MOB4: variants seen among roughly 807,000 people sequenced by gnomAD.
MOB4 encodes the protein MOB family member 4, phocein.
MOB4 carries 4 observed loss-of-function variants against 32.2 expected under a neutral mutation model. The ratio of observed to expected loss-of-function variants is 0.12; its 90% CI spans 0.06 to 0.28. The LOEUF is 0.28. Among genes scored for constraint, MOB4 ranks in the 10% least tolerant of loss-of-function variants. The pLI is 1.00. For missense variants in MOB4, 158 were observed against 271.2 expected (o/e 0.58, Z 2.93); for synonymous variants, 88 against 88.1 (o/e 1.00, Z 0.01).
chr2:197,522,391 C>T (rs897606338), intron 1 of MOB4, among the ~76,000 whole-genome samples: 9 of 128,332 alleles, frequency 7.0e-5, no homozygotes, highest in Non-Finnish European at 1.2e-4. Flanking sequence ...AGTGCAGTGG[C>T]GTGATCTTGA....
At position 197,516,140 on chromosome 2, in the gene MOB4, G is replaced by A; in HGVS notation, c.54G>A (p.Lys18=). The change falls in exon 1 of 8, where the codon AAG becomes AAA. Residue 18 remains lysine (K), a synonymous_variant. Transcript: ENST00000323303. ...TGAGGCGGAACAGGCCGGGCACCAA[G>A]GCGCAGGTACCATGTCTGCACTTTT... ...AVLRRNRPGT[K]AQDFYNWPDE... 6.2e-7 allele frequency: 1 copy of A among 1,603,294 alleles called. No homozygotes were observed. Among genetic ancestry groups the A allele is most frequent in the Non-Finnish European group, 8.5e-7 (1 of 1,176,096 alleles).
intron 1 of MOB4, chr2:197,516,876 G>C (rs2086424821): frequency 2.7e-6 from 1 of 364,354 alleles, no homozygotes; most frequent in Non-Finnish European, 5.5e-6. Flanking sequence ...TTGTTTCTTA[G>C]GGTTTGGAAA....
intron 1 of MOB4, among the ~76,000 whole-genome samples, chr2:197,522,848 C>T (rs1384799861): frequency 6.6e-6 from 1 of 151,808 alleles, no homozygotes; most frequent in Non-Finnish European, 1.5e-5. Flanking sequence ...AACCCTGTCT[C>T]TACAAAAAAT....
intron 2 of MOB4, among the ~76,000 whole-genome samples, chr2:197,524,925 C>G (rs1559315300): frequency 6.6e-6 from 1 of 152,122 alleles, no homozygotes; most frequent in Non-Finnish European, 1.5e-5. Context: ...CGCACACTGC[C>G]ACATCTGGCT....
intron 2 of MOB4, among the ~76,000 whole-genome samples, chr2:197,534,989 T>G (rs1026471775): frequency 3.3e-5 from 5 of 152,146 alleles, no homozygotes; most frequent in African/African-American, 2.4e-5. Context: ...CTCTAGACAC[T>G]TCATATAAAC....
intron 1 of MOB4, among the ~76,000 whole-genome samples, chr2:197,522,970 G>T (rs1430806663): frequency 6.6e-6 from 1 of 151,880 alleles, no homozygotes; most frequent in Non-Finnish European, 1.5e-5. Context: ...AGCTGAGATC[G>T]CACCACTGCA....
At chr2:197,541,427 A>T (rs971268911) in intron 5 of MOB4, among the ~76,000 whole-genome samples, 1 of 152,230 alleles carries the variant, frequency 6.6e-6, no homozygotes, top group Admixed American at 6.5e-5. Context: ...TGAAGTGGTC[A>T]TTATATTGAT....
intron 1 of MOB4, among the ~76,000 whole-genome samples, chr2:197,521,283 G>T (rs1413578673): frequency 6.6e-6 from 1 of 152,164 alleles, no homozygotes; most frequent in Non-Finnish European, 1.5e-5. Flanking sequence ...TGCAAAACCG[G>T]CAAGTTTTTA....
Position 197,548,432 on chromosome 2 carries a change from A to G in MOB4, c.434+17A>G, listed in dbSNP as rs2087035425. The G allele has an allele frequency of 6.6e-7, 1 of 1,521,426 alleles. No individual in the cohort carries two copies. The highest frequency in any genetic ancestry group is 1.8e-5 in the Admixed American group (1 of 54,804). The allele number at this position is 1,521,426 out of a possible 1,614,324, so 94.2% of individuals were successfully genotyped here. A position where few individuals can be genotyped will look rare whatever the true frequency, so the allele number is the denominator to read the frequency against. ...TCCCAGCAGGTAATCGAAACTTTTA[A>G]ACATAGTGTTAAACATTTTAGAGTT... is the stretch of plus-strand genomic sequence containing the variant. On this transcript the variant is annotated intron_variant, in intron 6 of 7. Transcript: ENST00000323303.
intron 1 of MOB4, among the ~76,000 whole-genome samples, chr2:197,520,713 A>G (rs1169598498): frequency 6.6e-6 from 1 of 152,020 alleles, no homozygotes; most frequent in African/African-American, 2.4e-5. Flanking sequence ...ATATCTGTTA[A>G]CTGTATTATC....
In MOB4 at chr2:197,550,372, T is replaced by C; in HGVS notation, c.532T>C (p.Phe178Leu). 6.2e-7 allele frequency: 1 copy of C among 1,613,706 alleles called. No individual in the cohort carries two copies. The highest frequency in any genetic ancestry group is 8.5e-7 in the Non-Finnish European group (1 of 1,179,782). ...SHAYFHHRQI[F>L]DEYENETFLC... is the part of the protein sequence containing the mutation. ...TGCTTATTTTCATCATCGGCAGATA[T>C]TTGATGAATATGAAGTAAGTATATT... is the stretch of plus-strand genomic sequence containing the variant. The change falls in exon 7 of 8, where the codon TTT (phenylalanine) becomes CTT (leucine). Residue 178 changes from phenylalanine (F) to leucine (L), a missense_variant. Coordinates refer to ENST00000323303, the MANE Select transcript of MOB4 (RefSeq NM_015387.5).
intron 5 of MOB4, among the ~76,000 whole-genome samples, chr2:197,545,075 T>C (rs990099749): frequency 3.9e-5 from 6 of 152,284 alleles, no homozygotes; most frequent in South Asian, 4.1e-4. Flanking sequence ...ATGAAAACAT[T>C]TATCTGCACA....
At chr2:197,519,532 C>G (rs571927804) in intron 1 of MOB4, among the ~76,000 whole-genome samples, 10 of 152,272 alleles carry the variant, frequency 6.6e-5, no homozygotes, top group Admixed American at 3.3e-4. Flanking sequence ...AATGCGTGTT[C>G]TGTAAATAGT....
chr2:197,540,562 C>A, intron 5 of MOB4, 125 bp downstream of exon 5: 1 of 961,992 alleles, frequency 1.0e-6, no homozygotes, highest in Non-Finnish European at 1.4e-6. Flanking sequence ...TTTTGAGTTG[C>A]TTGTTGTGAA....
intron 1 of MOB4, chr2:197,516,783 C>T (rs1290589187): frequency 2.1e-6 from 1 of 470,100 alleles, no homozygotes; most frequent in Non-Finnish European, 4.4e-6. Context: ...ATGCGTGAAG[C>T]ATAGTCAGAG....
intron 3 of MOB4, among the ~76,000 whole-genome samples, chr2:197,538,862 G>C (rs1290751180): frequency 6.6e-6 from 1 of 152,194 alleles, no homozygotes; most frequent in East Asian, 1.9e-4. Context: ...GGGTGATACG[G>C]TGATTTAGAA....
intron 2 of MOB4, among the ~76,000 whole-genome samples, chr2:197,527,876 T>A (rs920571052): frequency 5.0e-4 from 76 of 152,206 alleles, no homozygotes; most frequent in African/African-American, 1.7e-3. Context: ...CTTTTCTGCA[T>A]TGGTATGATT....
intron 5 of MOB4, among the ~76,000 whole-genome samples, chr2:197,547,613 T>G (rs1042512479): frequency 2.6e-5 from 4 of 152,202 alleles, no homozygotes; most frequent in African/African-American, 9.6e-5. Flanking sequence ...AGTCTCAAAC[T>G]TGAAAAATAA....
chr2:197,524,448 G>A (rs55813500), intron 2 of MOB4, among the ~76,000 whole-genome samples: 64,952 of 148,940 alleles, frequency 0.44, 14,443 homozygotes, highest in South Asian at 0.57. Flanking sequence ...CAGGAGAATC[G>A]TTTAAACCCA....
Sources: gnomAD v4.1 joint callset for allele counts (sites outside exome capture counted in the v4.1 genomes callset) on GRCh38, gnomAD v4.1.1 for gene constraint, MANE v1.5 for transcripts, NCBI Gene and HGNC (gene_info 2026-07-23, HGNC 2026-07-21) for gene names.